TMEM135: variants seen among roughly 807,000 people sequenced by gnomAD.
TMEM135 encodes the protein peroxisomal membrane protein 52.
A neutral mutation model predicts 60.3 loss-of-function variants in TMEM135; 30 were observed. The observed-to-expected ratio is 0.50, with a 90% CI of 0.37 to 0.68. The LOEUF is 0.68. Ranked by LOEUF, TMEM135 falls within the 30% of genes least tolerant of loss-of-function variation. TMEM135 has a pLI of 0.00. For synonymous variants in TMEM135, 190 were observed against 186.7 expected (o/e 1.02, Z -0.14); for missense variants, 468 against 548.8 (o/e 0.85, Z 1.47).
At chr11:87,283,600 T>C (rs1591167192) in intron 6 of TMEM135, among the ~76,000 whole-genome samples, 1 of 62,186 alleles carries the variant, frequency 1.6e-5, no homozygotes. Context: ...GGCTCACGCC[T>C]TGTAATGCCA....
chr11:87,182,403 T>C (rs775583419), intron 5 of TMEM135, among the ~76,000 whole-genome samples: 1 of 152,156 alleles, frequency 6.6e-6, no homozygotes, highest in Non-Finnish European at 1.5e-5. Context: ...AATAATTGTA[T>C]ATACCTAGTT....
At chr11:87,240,540 A>T (rs1941106837) in intron 6 of TMEM135, among the ~76,000 whole-genome samples, 1 of 149,916 alleles carries the variant, frequency 6.7e-6, no homozygotes, top group Non-Finnish European at 1.5e-5. Context: ...TGTAGAAAAG[A>T]GATCAGTTTC....
chr11:87,314,696 T>TTG (rs933499333), intron 12 of TMEM135, 149 bp downstream of exon 12: 5 of 675,526 alleles, frequency 7.4e-6, no homozygotes, highest in African/African-American at 1.8e-5. Flanking sequence ...GTGTTTTTCT[T>TTG]TGTGTGTGTG....
At position 87,212,242 on chromosome 11, in the gene TMEM135, C is replaced by T. The variant is rs542829234; in HGVS notation, c.463-24396C>T. Reference sequence around the variant, plus strand: ...AGTTTTCTACCCCAAGTAGCTGTTACGCATTTTTTTTTTCTAGTGAATGGT... The same window carrying T: ...AGTTTTCTACCCCAAGTAGCTGTTATGCATTTTTTTTTTCTAGTGAATGGT... On this transcript the variant is annotated intron_variant, in intron 5 of 14. Transcript: ENST00000305494. 2.6e-5 allele frequency among the ~76,000 whole-genome samples: 4 copies of T among 151,792 alleles called. No homozygotes were observed. The South Asian group carries it at 6.3e-4, about 24-fold the overall frequency.
chr11:87,141,385 G>T (rs687651), intron 4 of TMEM135, among the ~76,000 whole-genome samples: 72,236 of 151,660 alleles, frequency 0.48, 17,467 homozygotes, highest in East Asian at 0.67. Context: ...TTTCTAGTTG[G>T]TTTTTGGTAG....
intron 7 of TMEM135, 97 bp downstream of exon 7, chr11:87,295,920 A>G (rs1942340221): frequency 5.1e-6 from 5 of 985,688 alleles, no homozygotes; most frequent in South Asian, 3.0e-5. Flanking sequence ...AAGCATTTAA[A>G]CTGAAAATAA....
chr11:87,115,637 A>G (rs147081145), intron 4 of TMEM135, among the ~76,000 whole-genome samples: 1 of 152,162 alleles, frequency 6.6e-6, no homozygotes, highest in African/African-American at 2.4e-5. Flanking sequence ...TTAGACAGCT[A>G]AATTTAGAAG....
At chr11:87,306,502 C>T (rs975765884) in intron 9 of TMEM135, among the ~76,000 whole-genome samples, 1 of 152,008 alleles carries the variant, frequency 6.6e-6, no homozygotes, top group African/African-American at 2.4e-5. Flanking sequence ...ATAACTGGAG[C>T]ATGTCCACAG....
intron 4 of TMEM135, among the ~76,000 whole-genome samples, chr11:87,129,065 T>TA (rs1937822585): frequency 6.6e-6 from 1 of 151,752 alleles, no homozygotes; most frequent in Non-Finnish European, 1.5e-5. Flanking sequence ...TGTGGAGCTT[T>TA]TGTGTCTTCT....
At chr11:87,170,699 G>A (rs926664714) in intron 5 of TMEM135, among the ~76,000 whole-genome samples, 2 of 152,126 alleles carry the variant, frequency 1.3e-5, no homozygotes, top group African/African-American at 4.8e-5. Context: ...ATGCCAGCTG[G>A]AGGTCTCCTG....
rs770897413 is a variant in TMEM135 at position 87,120,110 on chromosome 11, C to CTTTTTTTTT, written c.396+28717_396+28718insTTTTTTTTT. 6.9e-4 allele frequency among the ~76,000 whole-genome samples: 90 copies of CTTTTTTTTT among 130,894 alleles called. 3 individuals are homozygous for CTTTTTTTTT. Among genetic ancestry groups the CTTTTTTTTT allele is most frequent in the East Asian group, 1.0e-3 (4 of 3,934 alleles). 85.9% of individuals were successfully genotyped at this position (130,894 alleles called of 152,430 possible). ...GAACTTATTAGTCTGTTTTTTTCTT[C>CTTTTTTTTT]TTCTTCTTTTTTTTTTTTTTTTGAG... On this transcript the variant is annotated intron_variant, in intron 4 of 14. Coordinates refer to ENST00000305494, the MANE Select transcript of TMEM135 (RefSeq NM_022918.4).
intron 5 of TMEM135, among the ~76,000 whole-genome samples, chr11:87,181,493 A>G (rs1176794723): frequency 6.6e-6 from 1 of 152,162 alleles, no homozygotes; most frequent in Non-Finnish European, 1.5e-5. Context: ...CAAAAATGCC[A>G]AATATCGTGT....
At chr11:87,313,351 A>G (rs1353853192) in intron 10 of TMEM135, 74 bp from the exon 11 acceptor site, 4 of 1,226,382 alleles carry the variant, frequency 3.3e-6, no homozygotes, top group East Asian at 4.7e-5. Context: ...TTTATTCATT[A>G]TAGTTGTTTT....
intron 4 of TMEM135, among the ~76,000 whole-genome samples, chr11:87,127,923 G>A (rs772444912): frequency 7.2e-5 from 11 of 152,144 alleles, no homozygotes; most frequent in Non-Finnish European, 1.2e-4. Context: ...ATGTACATGT[G>A]GTTTCAGGCT....
chr11:87,111,878 A>G (rs1331098746), intron 4 of TMEM135, among the ~76,000 whole-genome samples: 1 of 152,102 alleles, frequency 6.6e-6, no homozygotes, highest in Admixed American at 6.6e-5. Context: ...ATAAAAGGAT[A>G]TATGACTTCT....
At chr11:87,212,395 T>C (rs2135344441) in intron 5 of TMEM135, among the ~76,000 whole-genome samples, 1 of 152,220 alleles carries the variant, frequency 6.6e-6, no homozygotes, top group Non-Finnish European at 1.5e-5. Flanking sequence ...TGAAATACAG[T>C]TGAATATATT....
intron 6 of TMEM135, among the ~76,000 whole-genome samples, chr11:87,245,129 A>C: frequency 7.1e-6 from 1 of 141,382 alleles, no homozygotes; most frequent in East Asian, 2.0e-4. Context: ...ATTCAGGAGC[A>C]GGTTGTTCAG....
intron 5 of TMEM135, among the ~76,000 whole-genome samples, chr11:87,224,272 G>T (rs752105279): frequency 2.4e-4 from 36 of 152,356 alleles, no homozygotes; most frequent in Non-Finnish European, 4.7e-4. Flanking sequence ...GTGGAACTCA[G>T]TTAGAGGGCC....
chr11:87,175,811 T>C (rs1939352258), intron 5 of TMEM135, among the ~76,000 whole-genome samples: 2 of 146,768 alleles, frequency 1.4e-5, no homozygotes, highest in African/African-American at 4.9e-5. Flanking sequence ...CTAGATGTGG[T>C]TGAATGTATT....
Sources: gnomAD v4.1 joint callset for allele counts (sites outside exome capture counted in the v4.1 genomes callset) on GRCh38, gnomAD v4.1.1 for gene constraint, MANE v1.5 for transcripts, NCBI Gene and HGNC (gene_info 2026-07-23, HGNC 2026-07-21) for gene names.